The following LRRTM3 variants were observed in gnomAD, a reference collection of about 807,000 sequenced individuals.
The protein encoded by LRRTM3 is leucine-rich repeat transmembrane neuronal protein 3.
LRRTM3 carries 24 observed loss-of-function variants against 44.7 expected under a neutral mutation model. The observed-to-expected ratio is 0.54, with a 90% CI of 0.39 to 0.76. The LOEUF is 0.76. LRRTM3 is among the 30% of genes least tolerant of loss of function. LRRTM3 has a pLI of 0.00. For missense variants in LRRTM3, 587 were observed against 702.2 expected (o/e 0.84, Z 1.85); for synonymous variants, 277 against 278.7 (o/e 0.99, Z 0.06).
At chr10:66,930,737 C>G (rs1468688436) in intron 2 of LRRTM3, among the ~76,000 whole-genome samples, 1 of 152,032 alleles carries the variant, frequency 6.6e-6, no homozygotes, top group Non-Finnish European at 1.5e-5. Context: ...TATGATATAA[C>G]ACTAAATGAA....
At chr10:66,980,046 A>T (rs1341075257) in intron 2 of LRRTM3, among the ~76,000 whole-genome samples, 1 of 152,156 alleles carries the variant, frequency 6.6e-6, no homozygotes, top group African/African-American at 2.4e-5. Context: ...TTTTTCCCTA[A>T]AATGTTTAGA....
intron 2 of LRRTM3, among the ~76,000 whole-genome samples, chr10:67,077,154 C>A (rs576104166): frequency 2.6e-5 from 4 of 152,284 alleles, no homozygotes; most frequent in African/African-American, 9.6e-5. Context: ...CCACTCCCTG[C>A]ATCCACACTG....
intron 2 of LRRTM3, among the ~76,000 whole-genome samples, chr10:67,088,065 G>A (rs1363658795): frequency 6.6e-6 from 1 of 151,876 alleles, no homozygotes. Flanking sequence ...ATAATTTAAA[G>A]AGAAAGAAAG....
rs1858211795 is a variant in LRRTM3 at position 67,099,535 on chromosome 10, C to A, written c.*1739C>A. ...TCCAAAGAAGTTATATCTATAAAAT[C>A]TAGTTTTATGCAGGTTTGTCACAGC... is the stretch of plus-strand genomic sequence containing the variant. On this transcript the variant is annotated 3_prime_UTR_variant, in exon 3 of 3. Coordinates refer to ENST00000361320, the MANE Select transcript of LRRTM3 (RefSeq NM_178011.5). 6.6e-6 allele frequency: 1 copy of A among 152,022 alleles called. No individual in the cohort carries two copies. The highest frequency in any genetic ancestry group is 1.5e-5 in the Non-Finnish European group (1 of 67,776). 9.4% of individuals were successfully genotyped at this position (152,022 alleles called of 1,614,324 possible).
chr10:67,030,627 G>A (rs575613550), intron 2 of LRRTM3, among the ~76,000 whole-genome samples: 32 of 152,190 alleles, frequency 2.1e-4, no homozygotes, highest in Admixed American at 1.5e-3. Context: ...ATATTATGTA[G>A]ATCAATATAT....
At chr10:66,943,384 A>G (rs531632745) in intron 2 of LRRTM3, among the ~76,000 whole-genome samples, 1 of 152,148 alleles carries the variant, frequency 6.6e-6, no homozygotes, top group Non-Finnish European at 1.5e-5. Flanking sequence ...CTCTTAAATT[A>G]GAAACTGACT....
intron 2 of LRRTM3, among the ~76,000 whole-genome samples, chr10:67,042,302 G>C (rs555902071): frequency 5.0e-4 from 76 of 152,158 alleles, no homozygotes; most frequent in African/African-American, 1.8e-3. Context: ...CATTTGAGAG[G>C]CAGGACAGAC....
intron 2 of LRRTM3, among the ~76,000 whole-genome samples, chr10:67,045,544 G>C (rs1392740162): frequency 6.6e-6 from 1 of 152,176 alleles, no homozygotes; most frequent in Admixed American, 6.5e-5. Flanking sequence ...GAAGCAGATA[G>C]TCTACGAATG....
chr10:66,949,190 G>A (rs543315287), intron 2 of LRRTM3, among the ~76,000 whole-genome samples: 1 of 152,236 alleles, frequency 6.6e-6, no homozygotes, highest in East Asian at 1.9e-4. Context: ...TATATATTTT[G>A]CCAAATCAAT....
At position 66,928,343 on chromosome 10, in the gene LRRTM3, C is replaced by A. The variant is rs1847190275; in HGVS notation, c.1427C>A (p.Thr476Asn). 1.2e-6 allele frequency: 2 copies of A among 1,614,136 alleles called. No individual in the cohort carries two copies. The highest frequency in any genetic ancestry group is 1.7e-6 in the Non-Finnish European group (2 of 1,180,036). Residue 476 changes from threonine (T) to asparagine (N), a missense_variant, in exon 2 of 3, where the codon ACC (threonine) becomes AAC (asparagine). Physicochemically the swap from Thr to Asn is moderately conservative, Grantham distance 65. This residue lies in a region of LRRTM3 where 315 missense variants were observed against 335.6 expected (regional missense o/e 0.94). Transcript: ENST00000361320. ...TCCCTAAAGCAAATGACTCCCAGCA[C>A]CCAGGAATTTTATGTAGATTATAAA... is the stretch of plus-strand genomic sequence containing the variant. Reference protein sequence around the residue: ...RQSLKQMTPSTQEFYVDYKPT... With the variant: ...RQSLKQMTPSNQEFYVDYKPT...
intron 2 of LRRTM3, among the ~76,000 whole-genome samples, chr10:67,029,860 T>C (rs1853614099): frequency 6.6e-6 from 1 of 152,162 alleles, no homozygotes; most frequent in African/African-American, 2.4e-5. Context: ...TAAAAACCAT[T>C]CTAAATAGAC....
chr10:66,986,876 CTG>C (rs1850756687), intron 2 of LRRTM3, among the ~76,000 whole-genome samples: 1 of 152,118 alleles, frequency 6.6e-6, no homozygotes, highest in South Asian at 2.1e-4. Flanking sequence ...ACACTAGACA[CTG>C]TGAATACAGA....
intron 2 of LRRTM3, among the ~76,000 whole-genome samples, chr10:66,983,252 G>T (rs1018029740): frequency 7.9e-5 from 12 of 151,998 alleles, no homozygotes; most frequent in African/African-American, 2.9e-4. Flanking sequence ...TTCCATCCTA[G>T]CCCCCTCCCA....
intron 2 of LRRTM3, among the ~76,000 whole-genome samples, chr10:67,095,408 C>T (rs896863864): frequency 6.6e-6 from 1 of 151,454 alleles, no homozygotes; most frequent in Non-Finnish European, 1.5e-5. Flanking sequence ...AAGACATATC[C>T]AACAGTAAGA....
intron 2 of LRRTM3, among the ~76,000 whole-genome samples, chr10:67,080,643 C>T (rs1161789761): frequency 2.0e-5 from 3 of 152,174 alleles, no homozygotes; most frequent in African/African-American, 7.2e-5. Context: ...GGCATGGTGG[C>T]TCACGCCTGT....
At chr10:66,989,625 G>T (rs1188829133) in intron 2 of LRRTM3, among the ~76,000 whole-genome samples, 1 of 152,036 alleles carries the variant, frequency 6.6e-6, no homozygotes, top group African/African-American at 2.4e-5. Flanking sequence ...CATACTGAAA[G>T]AACTTTTTCT....
chr10:66,926,702 CTA>C (rs1036642785), intron 1 of LRRTM3, 115 bp downstream of exon 1: 40 of 1,260,010 alleles, frequency 3.2e-5, no homozygotes, highest in Admixed American at 3.1e-4. Flanking sequence ...TGCTCTAAGA[CTA>C]TGAATTTATT....
At chr10:66,974,041 A>G (rs1234607977) in intron 2 of LRRTM3, among the ~76,000 whole-genome samples, 2 of 152,216 alleles carry the variant, frequency 1.3e-5, no homozygotes, top group East Asian at 3.8e-4. Context: ...ACAAATCAAG[A>G]TATAAGAAAA....
At chr10:67,017,962 G>A (rs943727756) in intron 2 of LRRTM3, among the ~76,000 whole-genome samples, 1 of 151,966 alleles carries the variant, frequency 6.6e-6, no homozygotes, top group Non-Finnish European at 1.5e-5. Flanking sequence ...AGTTGAGATG[G>A]GGTTTCACCA....
Sources: gnomAD v4.1 joint callset for allele counts (sites outside exome capture counted in the v4.1 genomes callset) on GRCh38, gnomAD v4.1.1 for gene constraint, gnomAD v4.1.1 regional missense constraint, MANE v1.5 for transcripts, NCBI Gene and HGNC (gene_info 2026-07-23, HGNC 2026-07-21) for gene names.